The following UBE2Q2 variants were observed in gnomAD, a reference collection of about 807,000 sequenced individuals.
UBE2Q2 encodes ubiquitin-conjugating enzyme E2 Q2.
A neutral mutation model predicts 59.9 loss-of-function variants in UBE2Q2; 54 were observed. The observed-to-expected ratio is 0.90, with a 90% CI of 0.72 to 1.13. The LOEUF (loss-of-function observed/expected upper bound fraction) is 1.13. Ranked by LOEUF, UBE2Q2 falls within the 50% of genes most tolerant of loss-of-function variation. The probability of loss-of-function intolerance (pLI) is 0.00; values close to 1 mark genes in which losing one functional copy is unlikely to be tolerated. For synonymous variants in UBE2Q2, 165 were observed against 155.2 expected (o/e 1.06, Z -0.47); for missense variants, 433 against 441.9 (o/e 0.98, Z 0.18).
chr15:75,872,434 T>G (rs1897845896), intron 4 of UBE2Q2, among the ~76,000 whole-genome samples: 1 of 151,976 alleles, frequency 6.6e-6, no homozygotes, highest in African/African-American at 2.4e-5. Flanking sequence ...TGCATAGATT[T>G]ATATATGTGT....
chr15:75,897,461 C>T (rs898172622), intron 12 of UBE2Q2, among the ~76,000 whole-genome samples: 31 of 152,062 alleles, frequency 2.0e-4, no homozygotes, highest in African/African-American at 7.0e-4. Context: ...CTTTGTGATC[C>T]GCCCGCCTCG....
chr15:75,849,239 C>T (rs1479199790), intron 1 of UBE2Q2, among the ~76,000 whole-genome samples: 2 of 152,168 alleles, frequency 1.3e-5, no homozygotes, highest in Non-Finnish European at 1.5e-5. Context: ...CAATTTACTT[C>T]GTTCTCCACC....
chr15:75,877,916 A>G (rs775690857), intron 6 of UBE2Q2, 45 bp from the exon 7 acceptor site: 16 of 1,552,420 alleles, frequency 1.0e-5, no homozygotes, highest in Non-Finnish European at 1.4e-5. Flanking sequence ...AGTAATAGTT[A>G]TATGATGAAA....
intron 11 of UBE2Q2, among the ~76,000 whole-genome samples, chr15:75,892,524 A>G (rs1004495095): frequency 6.6e-6 from 1 of 152,202 alleles, no homozygotes; most frequent in Non-Finnish European, 1.5e-5. Context: ...GGAATGATGA[A>G]GAAGACCTGA....
chr15:75,893,187 T>C (rs940425287), intron 11 of UBE2Q2, among the ~76,000 whole-genome samples: 2 of 152,196 alleles, frequency 1.3e-5, no homozygotes, highest in African/African-American at 4.8e-5. Flanking sequence ...ACCAGTTAGA[T>C]TGAATTAATA....
At chr15:75,879,651 A>G (rs549541216) in intron 8 of UBE2Q2, among the ~76,000 whole-genome samples, 2 of 152,216 alleles carry the variant, frequency 1.3e-5, no homozygotes, top group Non-Finnish European at 2.9e-5. Context: ...AGTGAAAACA[A>G]TCTTAGCTAT....
In UBE2Q2 at chr15:75,873,489, C is replaced by CA. The variant is rs1897906243; in HGVS notation, c.510dup (p.Glu171ArgfsTer3). 3 of 1,613,504 alleles carry CA rather than the reference C, an allele frequency of 1.9e-6. No homozygotes were observed. The highest frequency in any genetic ancestry group is 2.5e-6 in the Non-Finnish European group (3 of 1,179,792). ...GAAGAGCCTATTAGTGGGAAAAAGT[C>CA]AGAGGATGAAGGAATTGAAAAAGAA... is the stretch of plus-strand genomic sequence containing the variant. On this transcript the variant is annotated frameshift_variant, in exon 5 of 13. Coordinates refer to ENST00000267938, the MANE Select transcript of UBE2Q2 (RefSeq NM_173469.4). LOFTEE classifies it high-confidence loss of function.
chr15:75,847,985 C>CA (rs1478674423), intron 1 of UBE2Q2, among the ~76,000 whole-genome samples: 1 of 152,130 alleles, frequency 6.6e-6, no homozygotes, highest in East Asian at 1.9e-4. Context: ...TGCCTACCCC[C>CA]AACAGCAAGA....
chr15:75,900,372 G>A lies in UBE2Q2; in HGVS notation c.*914G>A, dbSNP rs750694247. On this transcript the variant is annotated 3_prime_UTR_variant, in exon 13 of 13. Transcript: ENST00000267938. ...TTTGGAGACTCTTACAGTAATTTTT[G>A]CCATGTCAAAACAATGGCTTTTACA... The A allele has an allele frequency of 6.6e-6, 1 of 152,566 alleles. No homozygotes were observed. The highest frequency in any genetic ancestry group is 1.5e-5 in the Non-Finnish European group (1 of 68,024). 9.5% of individuals were successfully genotyped at this position (152,566 alleles called of 1,614,324 possible). A position where few individuals can be genotyped will look rare whatever the true frequency, so the allele number is the denominator to read the frequency against.
chr15:75,876,128 T>G, intron 5 of UBE2Q2, 59 bp from the exon 6 acceptor site: 2 of 1,508,648 alleles, frequency 1.3e-6, no homozygotes, highest in Non-Finnish European at 1.8e-6. Flanking sequence ...TAGATCAGGT[T>G]GAAATATCTT....
chr15:75,883,463 G>T, intron 9 of UBE2Q2, 39 bp downstream of exon 9: 1 of 1,566,252 alleles, frequency 6.4e-7, no homozygotes, highest in Non-Finnish European at 8.7e-7. Context: ...ATTTTTTTCA[G>T]TTAAAAAAAA....
intron 1 of UBE2Q2, among the ~76,000 whole-genome samples, chr15:75,848,376 TTTC>T (rs1332953321): frequency 6.6e-6 from 1 of 152,204 alleles, no homozygotes; most frequent in Non-Finnish European, 1.5e-5. Flanking sequence ...GCCTAAGACT[TTTC>T]TCTTTGGTTT....
intron 1 of UBE2Q2, chr15:75,844,226 T>A: frequency 1.4e-6 from 2 of 1,472,232 alleles, no homozygotes; most frequent in Non-Finnish European, 1.8e-6. Flanking sequence ...GCTCCGGCTG[T>A]TGTTTGAGCC....
chr15:75,888,637 T>C (rs562134158), intron 9 of UBE2Q2, among the ~76,000 whole-genome samples: 4 of 152,320 alleles, frequency 2.6e-5, no homozygotes, highest in African/African-American at 9.6e-5. Context: ...AAAATGAATG[T>C]AATTTAATAC....
intron 4 of UBE2Q2, among the ~76,000 whole-genome samples, chr15:75,872,773 A>ATAGT (rs1480112949): frequency 6.6e-6 from 1 of 152,162 alleles, no homozygotes; most frequent in Non-Finnish European, 1.5e-5. Context: ...GCCTCCAGAG[A>ATAGT]TAACTAAGAT....
intron 7 of UBE2Q2, 118 bp downstream of exon 7, chr15:75,878,139 T>G (rs2141632381): frequency 2.6e-6 from 2 of 775,710 alleles, no homozygotes; most frequent in Non-Finnish European, 4.0e-6. Context: ...CTTTAGACTT[T>G]GTTTCTATAG....
At chr15:75,883,258 T>C in intron 8 of UBE2Q2, 108 bp from the exon 9 acceptor site, 2 of 1,022,746 alleles carry the variant, frequency 2.0e-6, no homozygotes, top group Non-Finnish European at 1.4e-6. Flanking sequence ...TTACCCATTA[T>C]CTGATAATAA....
At chr15:75,872,360 T>G (rs1394163552) in intron 4 of UBE2Q2, among the ~76,000 whole-genome samples, 1 of 150,952 alleles carries the variant, frequency 6.6e-6, no homozygotes, top group Non-Finnish European at 1.5e-5. Flanking sequence ...AAACTACTCC[T>G]TTAGAGATTT....
At chr15:75,873,300 C>T in intron 4 of UBE2Q2, 128 bp from the exon 5 acceptor site, 1 of 796,566 alleles carries the variant, frequency 1.3e-6, no homozygotes, top group East Asian at 3.0e-5. Context: ...TTTCTCTCTC[C>T]CTATAGGATA....
Sources: allele counts gnomAD v4.1 joint callset (sites outside exome capture counted in the v4.1 genomes callset), GRCh38; gene constraint gnomAD v4.1.1; transcripts MANE v1.5; gene names NCBI Gene and HGNC (gene_info 2026-07-23, HGNC 2026-07-21).